The following AGO3 variants were observed in gnomAD, a reference collection of about 807,000 sequenced individuals.
The protein encoded by AGO3 is protein argonaute-3.
AGO3 carries 16 observed loss-of-function variants against 105.5 expected under a neutral mutation model. The ratio of observed to expected loss-of-function variants is 0.15; its 90% CI spans 0.10 to 0.23. The LOEUF (loss-of-function observed/expected upper bound fraction) is 0.23, where lower values mean the gene tolerates loss of function less well. AGO3 is among the 10% of genes least tolerant of loss of function. The pLI, the probability that AGO3 is intolerant of heterozygous loss-of-function variation, is 1.00. For synonymous variants in AGO3, 340 were observed against 367.3 expected (o/e 0.93, Z 0.85); for missense variants, 534 against 1,088.0 (o/e 0.49, Z 7.16).
At chr1:35,981,859 A>G (rs950208074) in intron 5 of AGO3, among the ~76,000 whole-genome samples, 25 of 152,080 alleles carry the variant, frequency 1.6e-4, no homozygotes, top group African/African-American at 5.6e-4. Flanking sequence ...AATATGTGCT[A>G]TTCCCCCACC....
In AGO3 at chr1:35,939,517, G is replaced by A. The variant is rs968357336; in HGVS notation, c.20-6175G>A. Among the ~76,000 whole-genome samples, 14 of 152,138 alleles carry A rather than the reference G, an allele frequency of 9.2e-5. 1 individual carries two copies. The highest frequency in any genetic ancestry group is 3.1e-4 in the African/African-American group (13 of 41,404). ...CCTCTTGTAGAGGATGTTGATAGTA[G>A]GGTGTCTGTGTGTATGTCAGGGCAG... On this transcript the variant is annotated intron_variant, in intron 1 of 18. Transcript: ENST00000373191.
intron 11 of AGO3, among the ~76,000 whole-genome samples, chr1:36,014,581 C>G (rs1328850411): frequency 6.6e-6 from 1 of 150,482 alleles, no homozygotes; most frequent in African/African-American, 2.4e-5. Flanking sequence ...ACCATCCTGG[C>G]TAACATGGTG....
At chr1:36,034,417 C>A in intron 13 of AGO3, 84 bp downstream of exon 13, 1 of 997,192 alleles carries the variant, frequency 1.0e-6, no homozygotes, top group Non-Finnish European at 1.3e-6. Flanking sequence ...ACTATAAGGG[C>A]TGTGTAAGAG....
chr1:35,988,762 G>C (rs1647342979), intron 5 of AGO3, among the ~76,000 whole-genome samples: 1 of 152,076 alleles, frequency 6.6e-6, no homozygotes, highest in Admixed American at 6.6e-5. Flanking sequence ...GTCTCCTTGA[G>C]ATAGTGATTT....
intron 9 of AGO3, among the ~76,000 whole-genome samples, chr1:36,010,007 T>C (rs550906174): frequency 5.6e-4 from 78 of 140,364 alleles, no homozygotes; most frequent in African/African-American, 1.9e-3. Flanking sequence ...GGCACGATCT[T>C]GGCTCACTGC....
chr1:36,036,631 A>G lies in AGO3; in HGVS notation c.1842+364A>G, dbSNP rs528220363. ...ATAAGCTTGGTGGATTACATTTTTT[A>G]TATATAAAATGTCTCCCACCTTCAT... On this transcript the variant is annotated intron_variant, in intron 14 of 18. Transcript: ENST00000373191. Among the ~76,000 whole-genome samples, 11 of 152,266 alleles carry G rather than the reference A, an allele frequency of 7.2e-5. No individual in the cohort carries two copies. The South Asian group carries it at 2.3e-3, about 32-fold the overall frequency.
intron 5 of AGO3, among the ~76,000 whole-genome samples, chr1:35,997,521 A>T (rs764922970): frequency 6.6e-6 from 1 of 152,174 alleles, no homozygotes; most frequent in African/African-American, 2.4e-5. Flanking sequence ...GTGTTGCCAG[A>T]TGATTTTGTC....
At chr1:36,001,314 C>A (rs998694297) in intron 5 of AGO3, among the ~76,000 whole-genome samples, 2 of 152,178 alleles carry the variant, frequency 1.3e-5, no homozygotes, top group South Asian at 4.2e-4. Context: ...CATACACATA[C>A]GTACACAAAC....
chr1:35,996,511 C>G (rs773622970), intron 5 of AGO3, among the ~76,000 whole-genome samples: 8 of 152,008 alleles, frequency 5.3e-5, no homozygotes, highest in Non-Finnish European at 1.0e-4. Flanking sequence ...TGGCTCACAC[C>G]TGTAATCCCA....
rs555236861 is a variant in AGO3, at chr1:35,957,775, T to A, written c.192-9180T>A. On this transcript the variant is annotated intron_variant, in intron 2 of 18. Transcript: ENST00000373191. Reference sequence around the variant, plus strand: ...GATTTTATATTACAAATTATTAAAATTTTGGCCAAGTGCAGTGGCACATGT... The same window carrying A: ...GATTTTATATTACAAATTATTAAAAATTTGGCCAAGTGCAGTGGCACATGT... 8.5e-4 allele frequency among the ~76,000 whole-genome samples: 130 copies of A among 152,108 alleles called. 1 individual carries two copies. The highest frequency in any genetic ancestry group is 3.1e-3 in the African/African-American group (128 of 41,494).
chr1:36,043,814 G>T (rs773714155), intron 17 of AGO3, among the ~76,000 whole-genome samples: 3 of 151,848 alleles, frequency 2.0e-5, no homozygotes, highest in African/African-American at 4.8e-5. Context: ...TCACTAAAAT[G>T]TTAAAAAATG....
intron 2 of AGO3, among the ~76,000 whole-genome samples, chr1:35,948,531 C>T (rs1050737901): frequency 2.0e-5 from 3 of 150,740 alleles, no homozygotes; most frequent in South Asian, 2.1e-4. Flanking sequence ...TGTGCCCGGC[C>T]GGAACAGAAT....
intron 3 of AGO3, among the ~76,000 whole-genome samples, chr1:35,967,399 ATTTAT>A (rs57271371): frequency 0.18 from 27,566 of 150,130 alleles, 4,065 homozygotes; most frequent in East Asian, 0.68. Flanking sequence ...CCCCATTAAT[ATTTAT>A]TTTATTTTAT....
intron 11 of AGO3, among the ~76,000 whole-genome samples, chr1:36,016,242 C>T (rs1337520248): frequency 1.3e-5 from 2 of 152,142 alleles, no homozygotes; most frequent in Non-Finnish European, 1.5e-5. Flanking sequence ...AGTGCAGTGG[C>T]GTGATCTCGG....
chr1:35,944,471 C>A (rs1453721286), intron 1 of AGO3, among the ~76,000 whole-genome samples: 1 of 146,864 alleles, frequency 6.8e-6, no homozygotes, highest in Non-Finnish European at 1.5e-5. Flanking sequence ...TTTTTCACTT[C>A]TGTTATTAGT....
At chr1:36,024,920 T>A (rs61518776) in intron 11 of AGO3, among the ~76,000 whole-genome samples, 1,877 of 152,298 alleles carry the variant, frequency 0.012, 36 homozygotes, top group African/African-American at 0.043. Context: ...TTAACCTGTT[T>A]CCACTCATGC....
In AGO3 at chr1:36,055,664, A is replaced by G; in HGVS notation, c.2502A>G (p.Gln834=). The change falls in exon 19 of 19, where the codon CAA becomes CAG. Residue 834 remains glutamine, a synonymous_variant. Transcript: ENST00000373191. The surrounding 1 kb of genome is among the most constrained non-coding windows in gnomAD (Gnocchi z 4.4). ...DSAEGSHVSG[Q]SNGRDPQALA... ...CTGAAGGAAGTCACGTTTCAGGACA[A>G]AGCAATGGGCGAGATCCACAAGCTC... 1 of 1,613,870 alleles carries G rather than the reference A, an allele frequency of 6.2e-7. No homozygotes were observed. The highest frequency in any genetic ancestry group is 8.5e-7 in the Non-Finnish European group (1 of 1,179,902).
chr1:36,021,246 C>G (rs1641206654), intron 11 of AGO3, among the ~76,000 whole-genome samples: 1 of 152,104 alleles, frequency 6.6e-6, no homozygotes, highest in Non-Finnish European at 1.5e-5. Context: ...TTACTTTGAA[C>G]AGCAGAAACC....
chr1:36,044,864 C>A (rs1178883484), intron 17 of AGO3, among the ~76,000 whole-genome samples: 1 of 152,174 alleles, frequency 6.6e-6, no homozygotes, highest in Non-Finnish European at 1.5e-5. Flanking sequence ...AACTTTCCAA[C>A]AACAAAAAGT....
Sources: allele counts gnomAD v4.1 joint callset (sites outside exome capture counted in the v4.1 genomes callset), GRCh38; gene constraint gnomAD v4.1.1; non-coding constraint Gnocchi (gnomAD v3.1); transcripts MANE v1.5; gene names NCBI Gene and HGNC (gene_info 2026-07-23, HGNC 2026-07-21).